KIAA0319L: variants seen among roughly 807,000 people sequenced by gnomAD.
KIAA0319L encodes dyslexia-associated protein KIAA0319-like protein.
In KIAA0319L, 55 loss-of-function variants were observed where a neutral mutation model predicts 120.1. The observed-to-expected ratio is 0.46, with a 90% CI of 0.37 to 0.57. The LOEUF (loss-of-function observed/expected upper bound fraction) is 0.57, where lower values mean the gene tolerates loss of function less well. Ranked by LOEUF, KIAA0319L falls within the 20% of genes least tolerant of loss-of-function variation. The pLI is 0.00. For missense variants in KIAA0319L, 1,049 were observed against 1,255.3 expected, an observed-to-expected ratio of 0.84 and a Z score of 2.48; for synonymous variants, 398 against 471.9, an observed-to-expected ratio of 0.84 and a Z score of 2.03.
chr1:35,523,037 A>T (rs1645989809), intron 2 of KIAA0319L, among the ~76,000 whole-genome samples: 1 of 151,316 alleles, frequency 6.6e-6, no homozygotes, highest in African/African-American at 2.4e-5. Context: ...AAAAAAAAAA[A>T]ATCTTGTATG....
intron 2 of KIAA0319L, among the ~76,000 whole-genome samples, chr1:35,519,766 C>G (rs114828966): frequency 0.021 from 3,249 of 152,258 alleles, 108 homozygotes; most frequent in African/African-American, 0.073. Flanking sequence ...AAACTATGAG[C>G]ATAGATGAGA....
In KIAA0319L at chr1:35,526,156, G is replaced by T. The variant is rs566278269; in HGVS notation, c.143-19021C>A. Among the ~76,000 whole-genome samples, 7 of 151,452 alleles carry T rather than the reference G, an allele frequency of 4.6e-5. No homozygotes were observed. The South Asian group carries it at 1.3e-3, about 27-fold the overall frequency. ...AAATCAATTGGCTATTAATACGTGG[G>T]TTTATTTCTGAGTTCTCTGTTCTGT... On this transcript the variant is annotated intron_variant, in intron 2 of 20. Coordinates refer to ENST00000325722, the MANE Select transcript of KIAA0319L (RefSeq NM_024874.5).
intron 5 of KIAA0319L, among the ~76,000 whole-genome samples, chr1:35,473,182 G>A (rs1274765369): frequency 2.1e-5 from 3 of 139,982 alleles, no homozygotes; most frequent in African/African-American, 5.4e-5. Flanking sequence ...TGCAACATCC[G>A]CCTCCTGGGT....
intron 2 of KIAA0319L, among the ~76,000 whole-genome samples, chr1:35,519,258 A>C (rs1314987781): frequency 1.3e-5 from 2 of 152,206 alleles, no homozygotes; most frequent in African/African-American, 4.8e-5. Context: ...AAAGGCCCAG[A>C]GGCTTAGAAA....
rs560813453 is a variant in KIAA0319L, at chr1:35,502,574, T to C, written c.666+4038A>G. ...TGCCTCCAATAAACTTCTTCTCCAC[T>C]CTACCCCAGCAACCCTCTTCCACAG... On this transcript the variant is annotated intron_variant, in intron 3 of 20. Coordinates refer to ENST00000325722, the MANE Select transcript of KIAA0319L (RefSeq NM_024874.5). 7.2e-5 allele frequency among the ~76,000 whole-genome samples: 11 copies of C among 152,166 alleles called. No individual in the cohort carries two copies. In the South Asian group the frequency reaches 2.1e-3, roughly 29 times the overall value.
chr1:35,513,284 A>G (rs1180922686), intron 2 of KIAA0319L, among the ~76,000 whole-genome samples: 1 of 103,232 alleles, frequency 9.7e-6, no homozygotes, highest in Non-Finnish European at 1.9e-5. Context: ...ATATATATAT[A>G]TATATTTTTT....
intron 5 of KIAA0319L, 75 bp from the exon 6 acceptor site, chr1:35,471,035 T>C: frequency 1.2e-6 from 1 of 856,610 alleles, no homozygotes; most frequent in South Asian, 1.3e-5. Context: ...AGCCTGCCAA[T>C]AACAAATCTC....
intron 3 of KIAA0319L, among the ~76,000 whole-genome samples, chr1:35,483,539 G>A (rs967854304): frequency 2.0e-5 from 3 of 152,096 alleles, no homozygotes; most frequent in Non-Finnish European, 4.4e-5. Context: ...GACCATATAG[G>A]TGTGGGTCTA....
chr1:35,488,619 C>T (rs1036667020), intron 3 of KIAA0319L, among the ~76,000 whole-genome samples: 3 of 152,024 alleles, frequency 2.0e-5, no homozygotes, highest in African/African-American at 7.2e-5. Flanking sequence ...AAATAGTAAT[C>T]AAAGAATAGA....
At chr1:35,512,284 TA>T (rs996223314) in intron 2 of KIAA0319L, among the ~76,000 whole-genome samples, 1 of 81,354 alleles carries the variant, frequency 1.2e-5, no homozygotes, top group African/African-American at 5.0e-5. Flanking sequence ...AATAAATAAA[TA>T]AAATAAAATA....
chr1:35,547,036 C>CAT (rs546842383), intron 2 of KIAA0319L, among the ~76,000 whole-genome samples: 2 of 145,550 alleles, frequency 1.4e-5, no homozygotes, highest in African/African-American at 5.0e-5. Flanking sequence ...ATTGCTGGAT[C>CAT]ATATATATAT....
At chr1:35,551,928 A>G (rs1233289598) in intron 2 of KIAA0319L, among the ~76,000 whole-genome samples, 1 of 152,172 alleles carries the variant, frequency 6.6e-6, no homozygotes, top group East Asian at 1.9e-4. Context: ...ATGAGCCTAC[A>G]ATGCTGTGTT....
chr1:35,491,008 G>A (rs1644572817), intron 3 of KIAA0319L, among the ~76,000 whole-genome samples: 1 of 152,198 alleles, frequency 6.6e-6, no homozygotes, highest in Admixed American at 6.5e-5. Flanking sequence ...TGTACAGTCT[G>A]CAGAACTGTG....
At chr1:35,509,220 G>T (rs913845034) in intron 2 of KIAA0319L, among the ~76,000 whole-genome samples, 1 of 152,156 alleles carries the variant, frequency 6.6e-6, no homozygotes, top group Non-Finnish European at 1.5e-5. Flanking sequence ...CAGAAAGGAG[G>T]AAGCTACACA....
At chr1:35,519,077 C>T (rs115139404) in intron 2 of KIAA0319L, among the ~76,000 whole-genome samples, 1,691 of 151,068 alleles carry the variant, frequency 0.011, 39 homozygotes, top group African/African-American at 0.039. Flanking sequence ...TTACTTAAAA[C>T]GAATTATGTG....
chr1:35,442,379 C>T (rs1418151277), intron 18 of KIAA0319L, 43 bp from the exon 19 acceptor site: 2 of 1,500,868 alleles, frequency 1.3e-6, no homozygotes, highest in Admixed American at 1.7e-5. Flanking sequence ...GAGGGAGAGG[C>T]TGGGAGGGAG....
rs954911285 is a variant in KIAA0319L at position 35,453,773 on chromosome 1, C to G, written c.1781-84G>C. On this transcript the variant is annotated intron_variant, in intron 11 of 20. Transcript: ENST00000325722. This position sits in a 1 kb window ranked among gnomAD's most constrained non-coding sequence, Gnocchi z 4.1. Reference sequence around the variant, plus strand: ...CCAATTGGGACACATGTTCTGGAAGCCATGGACTCTGCCTCTCAGGCCACA... The same window carrying G: ...CCAATTGGGACACATGTTCTGGAAGGCATGGACTCTGCCTCTCAGGCCACA... 3 of 1,387,196 alleles carry G rather than the reference C, an allele frequency of 2.2e-6. No individual in the cohort carries two copies. The African/African-American group carries it at 4.4e-5, about 20-fold the overall frequency. 85.9% of individuals were successfully genotyped at this position (1,387,196 alleles called of 1,614,324 possible).
chr1:35,552,054 A>G (rs1032144699), intron 2 of KIAA0319L, among the ~76,000 whole-genome samples: 1 of 152,126 alleles, frequency 6.6e-6, no homozygotes, highest in South Asian at 2.1e-4. Flanking sequence ...AAAAAAAAAA[A>G]AAAATTGCCA....
At chr1:35,468,663 C>T (rs1161263763) in intron 6 of KIAA0319L, among the ~76,000 whole-genome samples, 5 of 152,202 alleles carry the variant, frequency 3.3e-5, no homozygotes, top group African/African-American at 1.2e-4. Context: ...TTATCCTGGA[C>T]TTCTCTTCCC....
Sources: allele counts gnomAD v4.1 joint callset (sites outside exome capture counted in the v4.1 genomes callset), GRCh38; gene constraint gnomAD v4.1.1; non-coding constraint Gnocchi (gnomAD v3.1); transcripts MANE v1.5; gene names NCBI Gene and HGNC (gene_info 2026-07-23, HGNC 2026-07-21).